Variants in CENPC observed in about 807,000 individuals in gnomAD.
The protein encoded by CENPC is centromere protein C.
In CENPC, 63 loss-of-function variants were observed where a neutral mutation model predicts 112.1. The ratio of observed to expected loss-of-function variants is 0.56; its 90% CI spans 0.46 to 0.69. CENPC has a LOEUF of 0.69. Among genes scored for constraint, CENPC ranks in the 30% least tolerant of loss-of-function variants. CENPC has a pLI of 0.00. For synonymous variants in CENPC, 333 were observed against 367.6 expected, an observed-to-expected ratio of 0.91 and a Z score of 1.08; for missense variants, 1,000 against 1,103.8, an observed-to-expected ratio of 0.91 and a Z score of 1.33.
At chr4:67,483,729 C>T (rs970467385) in intron 17 of CENPC, among the ~76,000 whole-genome samples, 45 of 151,466 alleles carry the variant, frequency 3.0e-4, no homozygotes, top group African/African-American at 9.7e-4. Context: ...CTTGTGTAGC[C>T]CAAGGCTGAT....
intron 11 of CENPC, 66 bp downstream of exon 11, chr4:67,506,722 G>C (rs1175037358): frequency 8.3e-7 from 1 of 1,197,774 alleles, no homozygotes; most frequent in Non-Finnish European, 1.1e-6. Context: ...AAAGTTCTTG[G>C]GTAATCTGTT....
intron 5 of CENPC, among the ~76,000 whole-genome samples, chr4:67,520,623 G>A (rs1345944429): frequency 6.6e-6 from 1 of 152,116 alleles, no homozygotes; most frequent in South Asian, 2.1e-4. Flanking sequence ...AACAGGAACT[G>A]AGCTAGAATC....
chr4:67,517,139 T>C (rs1229974857), intron 7 of CENPC, among the ~76,000 whole-genome samples: 3 of 151,878 alleles, frequency 2.0e-5, no homozygotes, highest in Non-Finnish European at 4.4e-5. Flanking sequence ...ATTTCATTCA[T>C]TCATTTAACA....
chr4:67,524,883 A>G (rs1490671833), intron 5 of CENPC, among the ~76,000 whole-genome samples: 2 of 152,194 alleles, frequency 1.3e-5, no homozygotes, highest in Admixed American at 1.3e-4. Flanking sequence ...ATCCTAAGCA[A>G]AAAGAACAAA....
Position 67,493,849 on chromosome 4 carries a change from T to G in CENPC, c.2290+35A>C, listed in dbSNP as rs376747591. 81 of 1,442,084 alleles carry G rather than the reference T, an allele frequency of 5.6e-5. No individual in the cohort carries two copies. In the Middle Eastern group the frequency reaches 7.1e-4, roughly 13 times the overall value. The allele number at this position is 1,442,084 out of a possible 1,614,324, so 89.3% of individuals were successfully genotyped here. On this transcript the variant is annotated intron_variant, in intron 14 of 18. Transcript: ENST00000273853. ...GTCTGGCACATAGTAAACAAATTTT[T>G]TATTGACAGATATTATAACATAAAT...
rs184128058 is a variant in CENPC at position 67,512,518 on chromosome 4, C to T, written c.1496G>A (p.Arg499His). The change falls in exon 9 of 19, where the codon CGC (arginine) becomes CAC (histidine). Residue 499 changes from arginine (R) to histidine (H), a missense_variant. Transcript: ENST00000273853. ...RKDKEESKKK[R>H]FSSESKNKLV... is the part of the protein sequence containing the mutation. ...TTTGTTCTTGGACTCACTGGAAAAG[C>T]GCTTCTTTTTAGATTCTTCCTTATC... The T allele has an allele frequency of 1.8e-5, 29 of 1,579,382 alleles. No homozygotes were observed. Among genetic ancestry groups the T allele is most frequent in the East Asian group, 1.8e-4 (8 of 44,094 alleles).
intron 17 of CENPC, among the ~76,000 whole-genome samples, chr4:67,478,939 A>G (rs1364913832): frequency 6.6e-6 from 1 of 152,112 alleles, no homozygotes; most frequent in African/African-American, 2.4e-5. Flanking sequence ...ATCAGACAAA[A>G]CAGACTTTAA....
chr4:67,492,780 G>A (rs776081813), intron 15 of CENPC, 89 bp downstream of exon 15: 2 of 1,390,376 alleles, frequency 1.4e-6, no homozygotes, highest in South Asian at 3.1e-5. Flanking sequence ...GTTTTTGGAA[G>A]TAAATTTCAT....
intron 17 of CENPC, among the ~76,000 whole-genome samples, chr4:67,488,819 A>T (rs1161714893): frequency 2.6e-5 from 4 of 151,996 alleles, no homozygotes; most frequent in Non-Finnish European, 5.9e-5. Flanking sequence ...GAATATTGTT[A>T]AATTATTTTA....
intron 17 of CENPC, among the ~76,000 whole-genome samples, chr4:67,489,197 TAC>T (rs33944071): frequency 0.76 from 112,934 of 148,402 alleles, 44,569 homozygotes; most frequent in Non-Finnish European, 0.88. Context: ...CTGTTATACA[TAC>T]ACACACACAC....
chr4:67,521,383 T>C (rs1726225474), intron 5 of CENPC, among the ~76,000 whole-genome samples: 1 of 152,022 alleles, frequency 6.6e-6, no homozygotes, highest in Admixed American at 6.6e-5. Context: ...TAAAAAAAAG[T>C]TTTTTGGATA....
At chr4:67,533,416 A>C (rs902838126) in intron 4 of CENPC, among the ~76,000 whole-genome samples, 13 of 152,304 alleles carry the variant, frequency 8.5e-5, no homozygotes, top group Non-Finnish European at 1.8e-4. Context: ...GCAGTGTGAA[A>C]ATGGACTAAT....
At position 67,470,733 on chromosome 4, in the gene CENPC, C is replaced by T. The variant is rs572270644; in HGVS notation, c.*1872G>A. 3 of 152,250 alleles carry T rather than the reference C, an allele frequency of 2.0e-5. No homozygotes were observed. In the South Asian group the frequency reaches 6.2e-4, roughly 32 times the overall value. 9.4% of individuals were successfully genotyped at this position (152,250 alleles called of 1,614,324 possible). On this transcript the variant is annotated 3_prime_UTR_variant, in exon 19 of 19. Coordinates refer to ENST00000273853, the MANE Select transcript of CENPC (RefSeq NM_001812.4). ...TACAGTTTTGTCTGGCTGTAGCTAA[C>T]TGAAAAACTAGCAACTTTGCCGTAA...
chr4:67,541,979 A>AT (rs1487632259), intron 2 of CENPC, among the ~76,000 whole-genome samples: 25 of 152,182 alleles, frequency 1.6e-4, no homozygotes, highest in Admixed American at 1.5e-3. Context: ...TTTTCACTCA[A>AT]CACAATTCTA....
chr4:67,521,204 C>A (rs199511651), intron 5 of CENPC, among the ~76,000 whole-genome samples: 191 of 131,246 alleles, frequency 1.5e-3, no homozygotes, highest in East Asian at 2.6e-3. Context: ...CAAAACAAAC[C>A]AAAAAAAAAA....
At chr4:67,512,213 T>C in intron 9 of CENPC, 189 bp downstream of exon 9, 1 of 457,164 alleles carries the variant, frequency 2.2e-6, no homozygotes, top group Non-Finnish European at 3.8e-6. Context: ...CTATTATCCC[T>C]ATTCCTAAAA....
intron 12 of CENPC, among the ~76,000 whole-genome samples, chr4:67,495,786 A>G (rs1455493681): frequency 6.6e-6 from 1 of 152,188 alleles, no homozygotes; most frequent in Non-Finnish European, 1.5e-5. Flanking sequence ...CTTTCTCTTT[A>G]AAGTTCTAAA....
chr4:67,514,728 G>T, intron 7 of CENPC, 41 bp from the exon 8 acceptor site: 1 of 1,507,006 alleles, frequency 6.6e-7, no homozygotes, highest in Non-Finnish European at 8.9e-7. Context: ...AAAAAATAAA[G>T]CTTTTATATT....
chr4:67,485,084 C>T (rs1336743878), intron 17 of CENPC, among the ~76,000 whole-genome samples: 1 of 152,078 alleles, frequency 6.6e-6, no homozygotes, highest in African/African-American at 2.4e-5. Context: ...CAGAGCGAGA[C>T]TCCAACTCAA....
Sources: allele counts gnomAD v4.1 joint callset (sites outside exome capture counted in the v4.1 genomes callset), GRCh38; gene constraint gnomAD v4.1.1; transcripts MANE v1.5; gene names NCBI Gene and HGNC (gene_info 2026-07-23, HGNC 2026-07-21).